Variants in DSCAML1 observed in about 807,000 individuals in gnomAD.
The protein encoded by DSCAML1 is cell adhesion molecule DSCAML1.
In DSCAML1, 38 loss-of-function variants were observed where a neutral mutation model predicts 200.5. That is an observed-to-expected ratio of 0.19 (90% CI 0.15 to 0.25). The LOEUF (loss-of-function observed/expected upper bound fraction) is 0.25, where lower values mean the gene tolerates loss of function less well. Ranked by LOEUF, DSCAML1 falls within the 10% of genes least tolerant of loss-of-function variation. DSCAML1 has a pLI of 1.00. For synonymous variants in DSCAML1, 1,215 were observed against 1,165.0 expected (o/e 1.04, Z -0.87); for missense variants, 2,223 against 2,858.8 (o/e 0.78, Z 5.07).
In DSCAML1 at chr11:117,516,699, G is replaced by T. The variant is rs776628752; in HGVS notation, c.1551C>A (p.Val517=). Reference sequence around the variant, plus strand: ...AGTTGATAAGGGTGTCCCGCCCGGCGACTGCTGTGATGTTCCGCATAGCCC... The same window carrying T: ...AGTTGATAAGGGTGTCCCGCCCGGCTACTGCTGTGATGTTCCGCATAGCCC... The part of the protein sequence containing the change: ...SIRAMRNITA[V]AGRDTLINCR... Residue 517 remains valine (V), a synonymous_variant, in exon 8 of 33, where the codon GTC becomes GTA. Coordinates refer to ENST00000651296, the MANE Select transcript of DSCAML1 (RefSeq NM_020693.4). This position sits in a 1 kb window ranked among gnomAD's most constrained non-coding sequence, Gnocchi z 5.7. 5 of 1,613,990 alleles carry T rather than the reference G, an allele frequency of 3.1e-6. No individual in the cohort carries two copies. Among genetic ancestry groups the T allele is most frequent in the South Asian group, 1.1e-5 (1 of 91,070 alleles).
intron 3 of DSCAML1, among the ~76,000 whole-genome samples, chr11:117,616,543 C>A (rs2051814811): frequency 2.6e-5 from 4 of 152,170 alleles, no homozygotes; most frequent in Non-Finnish European, 5.9e-5. Context: ...ATGAATGAAT[C>A]TCCCATGAAT....
intron 3 of DSCAML1, among the ~76,000 whole-genome samples, chr11:117,641,310 G>A (rs1043792221): frequency 3.9e-5 from 6 of 152,240 alleles, no homozygotes; most frequent in African/African-American, 1.4e-4. Context: ...TTGCTGGGGA[G>A]GGGGCAACCC....
At chr11:117,729,701 A>T (rs1014072188) in intron 3 of DSCAML1, among the ~76,000 whole-genome samples, 5 of 152,260 alleles carry the variant, frequency 3.3e-5, no homozygotes, top group African/African-American at 4.8e-5. Flanking sequence ...AATTAAAGCC[A>T]TGAGATACCA....
chr11:117,500,857 T>TG (rs952018327), intron 11 of DSCAML1, among the ~76,000 whole-genome samples: 2 of 152,130 alleles, frequency 1.3e-5, no homozygotes, highest in Non-Finnish European at 2.9e-5. Flanking sequence ...TTGGGCAAAG[T>TG]GGGGATTAAG....
chr11:117,674,566 T>A (rs961057926), intron 3 of DSCAML1, among the ~76,000 whole-genome samples: 1 of 152,112 alleles, frequency 6.6e-6, no homozygotes, highest in Non-Finnish European at 1.5e-5. Context: ...GATGGGATAT[T>A]TGTCAAGGTA....
intron 3 of DSCAML1, among the ~76,000 whole-genome samples, chr11:117,542,323 AAAAC>A (rs768919628): frequency 3.2e-4 from 35 of 109,116 alleles, no homozygotes; most frequent in South Asian, 2.5e-3. Context: ...AAAACAAAAC[AAAAC>A]ACAAAAACAA....
intron 3 of DSCAML1, among the ~76,000 whole-genome samples, chr11:117,580,920 G>A (rs1233301925): frequency 2.6e-5 from 4 of 152,222 alleles, no homozygotes; most frequent in South Asian, 2.1e-4. Context: ...GAGGACAGGT[G>A]AGAAAGTGGC....
chr11:117,487,541 C>A (rs1269244718), intron 11 of DSCAML1, among the ~76,000 whole-genome samples: 1 of 152,198 alleles, frequency 6.6e-6, no homozygotes, highest in Non-Finnish European at 1.5e-5. Context: ...ACTGAACACA[C>A]AGCGATGCTG....
intron 11 of DSCAML1, among the ~76,000 whole-genome samples, chr11:117,494,604 C>T (rs2137254846): frequency 6.6e-6 from 1 of 152,200 alleles, no homozygotes; most frequent in Admixed American, 6.5e-5. Flanking sequence ...GAATTGTGTC[C>T]CCAAAAGATA....
chr11:117,680,250 C>T (rs1423104546), intron 3 of DSCAML1, among the ~76,000 whole-genome samples: 3 of 152,204 alleles, frequency 2.0e-5, no homozygotes, highest in African/African-American at 4.8e-5. Flanking sequence ...AGTGACTTGT[C>T]CCAGTCCACA....
chr11:117,775,914 A>G (rs1262375898), intron 3 of DSCAML1, among the ~76,000 whole-genome samples: 1 of 152,176 alleles, frequency 6.6e-6, no homozygotes, highest in Non-Finnish European at 1.5e-5. Flanking sequence ...TTAATGCTGA[A>G]AGGGCACTCA....
chr11:117,594,482 A>T lies in DSCAML1; in HGVS notation c.512-61960T>A, dbSNP rs180822605. Among the ~76,000 whole-genome samples, 247 of 152,306 alleles carry T rather than the reference A, an allele frequency of 1.6e-3. 1 individual carries two copies. The highest frequency in any genetic ancestry group is 2.8e-3 in the Non-Finnish European group (193 of 68,028). ...CTGATGCTCTCAGCAATGCACGCAC[A>T]CCTGTGTGAGTCTCCCTTCCTAAAA... On this transcript the variant is annotated intron_variant, in intron 3 of 32. Transcript: ENST00000651296.
At chr11:117,449,783 A>C (rs761281842) in intron 20 of DSCAML1, among the ~76,000 whole-genome samples, 1 of 152,162 alleles carries the variant, frequency 6.6e-6, no homozygotes, top group Non-Finnish European at 1.5e-5. Flanking sequence ...GGCATTCTCT[A>C]TAGTAGTCAC....
chr11:117,469,805 T>C lies in DSCAML1; in HGVS notation c.3024+105A>G. The C allele has an allele frequency of 4.0e-6, 4 of 1,008,632 alleles. No individual in the cohort carries two copies. Among genetic ancestry groups the C allele is most frequent in the Non-Finnish European group, 5.5e-6 (4 of 721,080 alleles). 62.5% of individuals were successfully genotyped at this position (1,008,632 alleles called of 1,614,324 possible). Reference sequence around the variant, plus strand: ...TTTAGTGACAAAACAGACATGGGCATCATATAAGACTAGAGACTAGCAAGC... The same window carrying C: ...TTTAGTGACAAAACAGACATGGGCACCATATAAGACTAGAGACTAGCAAGC... On this transcript the variant is annotated intron_variant, in intron 16 of 32. Transcript: ENST00000651296. This position sits in a 1 kb window ranked among gnomAD's most constrained non-coding sequence, Gnocchi z 4.1.
intron 19 of DSCAML1, among the ~76,000 whole-genome samples, chr11:117,450,953 C>T (rs2048271256): frequency 6.6e-6 from 1 of 152,106 alleles, no homozygotes; most frequent in African/African-American, 2.4e-5. Context: ...GAACCAAGGA[C>T]TTAGGATAGG....
intron 3 of DSCAML1, among the ~76,000 whole-genome samples, chr11:117,651,242 C>T (rs2052625480): frequency 1.3e-5 from 2 of 152,238 alleles, no homozygotes; most frequent in Non-Finnish European, 2.9e-5. Context: ...GGACAAGAAA[C>T]AGAAACAGAT....
chr11:117,769,069 TATATATAATCTATATATA>T (rs1565273151), intron 3 of DSCAML1, among the ~76,000 whole-genome samples: 5 of 9,238 alleles, frequency 5.4e-4, no homozygotes, highest in Non-Finnish European at 3.0e-3. Flanking sequence ...CAAAAAAATA[TATATATAATCTATATATA>T]ATATATATTT....
chr11:117,444,513 C>G (rs1205707613), intron 20 of DSCAML1, among the ~76,000 whole-genome samples: 1 of 152,216 alleles, frequency 6.6e-6, no homozygotes, highest in Non-Finnish European at 1.5e-5. Flanking sequence ...CGTCTAATTA[C>G]CACTCCTGCA....
intron 3 of DSCAML1, among the ~76,000 whole-genome samples, chr11:117,589,408 C>G (rs634406): frequency 0.21 from 31,236 of 152,062 alleles, 3,630 homozygotes; most frequent in South Asian, 0.42. Context: ...GGAACACCCC[C>G]CTCCCACCTC....
Sources: gnomAD v4.1 joint callset for allele counts (sites outside exome capture counted in the v4.1 genomes callset) on GRCh38, gnomAD v4.1.1 for gene constraint, Gnocchi (gnomAD v3.1) non-coding constraint, MANE v1.5 for transcripts, NCBI Gene and HGNC (gene_info 2026-07-23, HGNC 2026-07-21) for gene names.